Variants in CDK19 observed in about 807,000 individuals in gnomAD.
The protein encoded by CDK19 is cyclin-dependent kinase 19.
CDK19 carries 20 observed loss-of-function variants against 68.3 expected under a neutral mutation model. The ratio of observed to expected loss-of-function variants is 0.29; its 90% CI spans 0.21 to 0.43. CDK19 has a LOEUF of 0.43. Ranked by LOEUF, CDK19 falls within the 20% of genes least tolerant of loss-of-function variation. The pLI, the probability that CDK19 is intolerant of heterozygous loss-of-function variation, is 1.00. For synonymous variants in CDK19, 221 were observed against 222.8 expected, an observed-to-expected ratio of 0.99 and a Z score of 0.07; for missense variants, 339 against 623.5, an observed-to-expected ratio of 0.54 and a Z score of 4.86.
At chr6:110,672,830 A>C (rs1337094054) in intron 2 of CDK19, among the ~76,000 whole-genome samples, 1 of 152,156 alleles carries the variant, frequency 6.6e-6, no homozygotes, top group Admixed American at 6.5e-5. Flanking sequence ...AAATTTTTTT[A>C]AAGAAAAAAA....
At position 110,621,062 on chromosome 6, in the gene CDK19, C is replaced by T. The variant is rs766173096; in HGVS notation, c.1377+42G>A. ...AAAGGATCTAGGATAAATCTTTTCCCCACTTCATAAAGCATATGAACATTA... is the reference window on the plus strand; with the variant it reads ...AAAGGATCTAGGATAAATCTTTTCCTCACTTCATAAAGCATATGAACATTA... On this transcript the variant is annotated intron_variant, in intron 12 of 12. Coordinates refer to ENST00000368911, the MANE Select transcript of CDK19 (RefSeq NM_015076.5). The surrounding 1 kb of genome is among the most constrained non-coding windows in gnomAD (Gnocchi z 5.4). 6.5e-7 allele frequency: 1 copy of T among 1,545,324 alleles called. No individual in the cohort carries two copies. Among genetic ancestry groups the T allele is most frequent in the South Asian group, 1.2e-5 (1 of 81,346 alleles).
chr6:110,699,970 C>T (rs538141964), intron 2 of CDK19, among the ~76,000 whole-genome samples: 15 of 152,332 alleles, frequency 9.8e-5, no homozygotes, highest in African/African-American at 3.6e-4. Flanking sequence ...AGGTGGGCAG[C>T]AGGTAAGTAA....
chr6:110,735,130 T>G (rs1452087350), intron 2 of CDK19, among the ~76,000 whole-genome samples: 1 of 151,858 alleles, frequency 6.6e-6, no homozygotes, highest in Non-Finnish European at 1.5e-5. Context: ...TTTTATTTAA[T>G]GAGACTGGGT....
chr6:110,664,713 ATGTTCTAAGAGATCTCTAAAC>A (rs1193485304), intron 4 of CDK19, among the ~76,000 whole-genome samples: 12 of 152,180 alleles, frequency 7.9e-5, no homozygotes, highest in African/African-American at 2.9e-4. Flanking sequence ...AGGCTACGAG[ATGTTCTAAGAGATCTCTAAAC>A]TGCTATAATA....
intron 1 of CDK19, chr6:110,813,665 G>C (rs1214663395): frequency 2.0e-5 from 3 of 152,082 alleles, no homozygotes; most frequent in African/African-American, 7.2e-5. Context: ...CTTTACACTT[G>C]GATAGCACTT....
intron 1 of CDK19, among the ~76,000 whole-genome samples, chr6:110,760,251 C>T (rs995800412): frequency 1.1e-4 from 16 of 151,874 alleles, no homozygotes; most frequent in Non-Finnish European, 2.1e-4. Flanking sequence ...CAAAAATTAG[C>T]CAGGCATGGT....
intron 4 of CDK19, chr6:110,646,274 C>T: frequency 6.6e-7 from 1 of 1,506,604 alleles, no homozygotes; most frequent in Non-Finnish European, 8.8e-7. Flanking sequence ...GCGTGTGCTG[C>T]CCCGCCAACA....
At chr6:110,641,086 A>C (rs1389350887) in intron 4 of CDK19, among the ~76,000 whole-genome samples, 1 of 152,158 alleles carries the variant, frequency 6.6e-6, no homozygotes, top group East Asian at 1.9e-4. Flanking sequence ...CTGAAATGAG[A>C]TTGGTTCACC....
intron 1 of CDK19, among the ~76,000 whole-genome samples, chr6:110,761,515 TAAG>T (rs1365363514): frequency 6.6e-6 from 1 of 152,040 alleles, no homozygotes; most frequent in African/African-American, 2.4e-5. Context: ...TTCACTGAGT[TAAG>T]AAGAGCAGAT....
At chr6:110,793,045 A>C (rs1781705905) in intron 1 of CDK19, among the ~76,000 whole-genome samples, 1 of 152,236 alleles carries the variant, frequency 6.6e-6, no homozygotes, top group Non-Finnish European at 1.5e-5. Context: ...TTATTAGCTG[A>C]GATTTGAAAT....
intron 4 of CDK19, among the ~76,000 whole-genome samples, chr6:110,647,128 G>A (rs2114834542): frequency 6.6e-6 from 1 of 152,238 alleles, no homozygotes; most frequent in South Asian, 2.1e-4. Context: ...CAAAGGAAAA[G>A]CCAGAGGGAA....
rs1209146999 is a variant in CDK19, at chr6:110,667,496, G to A, written c.394C>T (p.Leu132Phe). The A allele has an allele frequency of 3.1e-6, 5 of 1,595,416 alleles. No individual in the cohort carries two copies. Among genetic ancestry groups the A allele is most frequent in the African/African-American group, 1.3e-5 (1 of 74,620 alleles). The change falls in exon 4 of 13, where the codon CTT becomes TTT. Residue 132 changes from leucine (L) to phenylalanine (F), a missense_variant. This residue lies in a region of CDK19 where 120 missense variants were observed against 224.0 expected (regional missense o/e 0.54). Coordinates refer to ENST00000368911, the MANE Select transcript of CDK19 (RefSeq NM_015076.5). Reference sequence around the variant, plus strand: ...TGGATACCATCAAGAATCTGGTAAAGTAAGGATTTAACCATAGATCTTGGC... The same window carrying A: ...TGGATACCATCAAGAATCTGGTAAAATAAGGATTTAACCATAGATCTTGGC... ...QLPRSMVKSL[L>F]YQILDGIHYL...
intron 1 of CDK19, among the ~76,000 whole-genome samples, chr6:110,780,898 C>T (rs1780759393): frequency 6.6e-6 from 1 of 151,962 alleles, no homozygotes; most frequent in Non-Finnish European, 1.5e-5. Flanking sequence ...AAAAATGAAA[C>T]TTGCAAGAAA....
At chr6:110,680,459 T>C (rs1327685023) in intron 2 of CDK19, among the ~76,000 whole-genome samples, 2 of 152,192 alleles carry the variant, frequency 1.3e-5, no homozygotes, top group African/African-American at 2.4e-5. Flanking sequence ...TGCTAGGCTC[T>C]AGATAAACAT....
intron 2 of CDK19, among the ~76,000 whole-genome samples, chr6:110,691,875 T>C (rs1302953096): frequency 6.6e-6 from 1 of 150,844 alleles, no homozygotes; most frequent in Non-Finnish European, 1.5e-5. Context: ...CTTGAACTCC[T>C]GACCTTGTGA....
intron 2 of CDK19, among the ~76,000 whole-genome samples, chr6:110,732,250 C>G (rs1280161947): frequency 6.6e-6 from 1 of 152,084 alleles, no homozygotes; most frequent in Non-Finnish European, 1.5e-5. Flanking sequence ...AATCCCAGCA[C>G]TTTCGGAGAT....
intron 4 of CDK19, chr6:110,646,151 G>A: frequency 1.0e-6 from 1 of 980,774 alleles, no homozygotes; most frequent in Non-Finnish European, 1.5e-6. Context: ...TCGGCATGGA[G>A]AGCACGCAGC....
At chr6:110,807,916 T>G (rs1211967587) in intron 1 of CDK19, among the ~76,000 whole-genome samples, 4 of 151,614 alleles carry the variant, frequency 2.6e-5, no homozygotes, top group Non-Finnish European at 5.9e-5. Context: ...CAAGCAATCC[T>G]CCCACCTCAT....
At chr6:110,704,387 T>C (rs1228503319) in intron 2 of CDK19, among the ~76,000 whole-genome samples, 3 of 152,242 alleles carry the variant, frequency 2.0e-5, no homozygotes, top group South Asian at 4.2e-4. Flanking sequence ...TACCTTACAT[T>C]ATCTTTTTCT....
Sources: gnomAD v4.1 joint callset for allele counts (sites outside exome capture counted in the v4.1 genomes callset) on GRCh38, gnomAD v4.1.1 for gene constraint, gnomAD v4.1.1 regional missense constraint, Gnocchi (gnomAD v3.1) non-coding constraint, MANE v1.5 for transcripts, NCBI Gene and HGNC (gene_info 2026-07-23, HGNC 2026-07-21) for gene names.